The following MYOM1 variants were observed in gnomAD, a reference collection of about 807,000 sequenced individuals.
The protein encoded by MYOM1 is myomesin 1, also known as myomesin-1.
MYOM1 carries 164 observed loss-of-function variants against 205.3 expected under a neutral mutation model. The ratio of observed to expected loss-of-function variants is 0.80; its 90% CI spans 0.70 to 0.91. The LOEUF (loss-of-function observed/expected upper bound fraction) is 0.91, where lower values mean the gene tolerates loss of function less well. MYOM1 is among the 40% of genes least tolerant of loss of function. The pLI is 0.00. For missense variants in MYOM1, 2,011 were observed against 2,127.3 expected (o/e 0.95, Z 1.08); for synonymous variants, 772 against 789.4 (o/e 0.98, Z 0.37).
chr18:3,178,448 C>A (rs1457236606), intron 5 of MYOM1, among the ~76,000 whole-genome samples: 1 of 152,194 alleles, frequency 6.6e-6, no homozygotes, highest in East Asian at 1.9e-4. Flanking sequence ...GTCTGCATTT[C>A]ATTTCTTCAG....
chr18:3,085,064 T>C lies in MYOM1; in HGVS notation c.4320A>G (p.Arg1440=). Residue 1440 remains arginine (R), a synonymous_variant, in exon 31 of 38, where the codon AGA becomes AGG. Transcript: ENST00000356443. ...ACTGACCTTCATCCACAAGCTTCAG[T>C]CTGCTCTTATCTTTTCCTCGGTCAT... ...LKDDRGKDKS[R]LKLVDEAFKE... The C allele has an allele frequency of 1.2e-6, 2 of 1,607,166 alleles. No homozygotes were observed. The highest frequency in any genetic ancestry group is 1.7e-6 in the Non-Finnish European group (2 of 1,176,636).
chr18:3,136,839 TGAA>T (rs1187534967), intron 14 of MYOM1, among the ~76,000 whole-genome samples: 5 of 152,256 alleles, frequency 3.3e-5, no homozygotes, highest in African/African-American at 1.2e-4. Flanking sequence ...TCTCCTCCAC[TGAA>T]GAGCAAATCA....
At chr18:3,162,488 A>C (rs988693031) in intron 10 of MYOM1, among the ~76,000 whole-genome samples, 1 of 152,042 alleles carries the variant, frequency 6.6e-6, no homozygotes, top group Non-Finnish European at 1.5e-5. Context: ...GCCCCTTCTG[A>C]CTCATGACTG....
At chr18:3,232,251 A>G in the MYOM1 span, among the ~76,000 whole-genome samples, 1 of 152,058 alleles carries the variant, frequency 6.6e-6, no homozygotes, top group Non-Finnish European at 1.5e-5. Flanking sequence ...AATTGCTTGA[A>G]TCCTGGAGGC....
chr18:3,140,792 A>G (rs1001671013), intron 14 of MYOM1, among the ~76,000 whole-genome samples: 1 of 152,196 alleles, frequency 6.6e-6, no homozygotes, highest in African/African-American at 2.4e-5. Flanking sequence ...ACTGAACACC[A>G]TATTTTTATA....
Position 3,134,635 on chromosome 18 carries a change from A to T in MYOM1, c.2384+15T>A. 1 of 1,601,182 alleles carries T rather than the reference A, an allele frequency of 6.2e-7. No individual in the cohort carries two copies. The highest frequency in any genetic ancestry group is 2.2e-5 in the East Asian group (1 of 44,578). ...CCAGAGGCCATTGCCCGCCCTGCACACCCGACTGAGTTACCGTGAGCCCTT... is the reference window on the plus strand; with the variant it reads ...CCAGAGGCCATTGCCCGCCCTGCACTCCCGACTGAGTTACCGTGAGCCCTT... On this transcript the variant is annotated intron_variant, in intron 16 of 37. Transcript: ENST00000356443.
At chr18:3,164,233 G>C in intron 10 of MYOM1, 45 bp downstream of exon 10, 1 of 1,579,648 alleles carries the variant, frequency 6.3e-7, no homozygotes, top group Non-Finnish European at 8.6e-7. Flanking sequence ...TTTGGCTTCA[G>C]TGTACTAAAT....
At chr18:3,134,482 C>T (rs2079923304) in intron 16 of MYOM1, among the ~76,000 whole-genome samples, 168 bp downstream of exon 16, 1 of 152,006 alleles carries the variant, frequency 6.6e-6, no homozygotes, top group Admixed American at 6.6e-5. Context: ...TTCAAGCAAT[C>T]TTCCCACCTC....
intron 3 of MYOM1, among the ~76,000 whole-genome samples, chr18:3,192,168 T>C (rs1056542942): frequency 1.3e-5 from 2 of 152,206 alleles, no homozygotes; most frequent in Admixed American, 6.5e-5. Flanking sequence ...TAAGCTGATG[T>C]GGTTTTTAAA....
chr18:3,078,418 ATT>A (rs2079044905), intron 34 of MYOM1, among the ~76,000 whole-genome samples: 1 of 36,324 alleles, frequency 2.8e-5, no homozygotes, highest in Non-Finnish European at 9.6e-5. Context: ...AGTATAGACT[ATT>A]TTATTTTATT....
intron 25 of MYOM1, among the ~76,000 whole-genome samples, chr18:3,094,799 C>T (rs1437476028): frequency 1.3e-5 from 2 of 151,882 alleles, no homozygotes; most frequent in Admixed American, 1.3e-4. Context: ...GTAGCTCACA[C>T]AACAGTCACG....
chr18:3,234,017 T>C, the MYOM1 span, among the ~76,000 whole-genome samples: 1 of 152,192 alleles, frequency 6.6e-6, no homozygotes, highest in African/African-American at 2.4e-5. Flanking sequence ...TACCTTTTCC[T>C]CTTACCCAGA....
chr18:3,097,211 G>T (rs1462649284), intron 25 of MYOM1, among the ~76,000 whole-genome samples: 2 of 152,202 alleles, frequency 1.3e-5, no homozygotes, highest in Non-Finnish European at 2.9e-5. Context: ...CCAACAGGAA[G>T]TGGGTATGAA....
intron 22 of MYOM1, among the ~76,000 whole-genome samples, chr18:3,111,522 C>T (rs755502832): frequency 2.6e-5 from 4 of 152,072 alleles, no homozygotes; most frequent in Admixed American, 6.5e-5. Context: ...GGCCTGTGGG[C>T]TAAATCTGGC....
chr18:3,154,650 C>T lies in MYOM1; in HGVS notation c.1643+297G>A, dbSNP rs11874815. Among the ~76,000 whole-genome samples, 74,534 of 148,800 alleles carry T rather than the reference C, an allele frequency of 0.5. 19,076 individuals are homozygous for T. The highest frequency in any genetic ancestry group is 0.63 in the African/African-American group (25,471 of 40,718). The stretch of plus-strand genomic sequence containing the variant: ...ACACACACACACACACACACACACA[C>T]ATTTATAATGGGTATATATACCCAT... On this transcript the variant is annotated intron_variant, in intron 11 of 37. Transcript: ENST00000356443.
intron 1 of MYOM1, among the ~76,000 whole-genome samples, chr18:3,217,459 G>T (rs540035798): frequency 6.6e-6 from 1 of 152,198 alleles, no homozygotes; most frequent in African/African-American, 2.4e-5. Context: ...AAGAACAGGA[G>T]ATTGGTTTCA....
chr18:3,070,736 TTGTGTGTGTGTGTG>T (rs57044157), intron 37 of MYOM1, among the ~76,000 whole-genome samples: 26 of 146,210 alleles, frequency 1.8e-4, no homozygotes, highest in African/African-American at 5.3e-4. Flanking sequence ...TGCATGTTCT[TTGTGTGTGTGTGTG>T]TGTGTGTGTG....
the MYOM1 span, among the ~76,000 whole-genome samples, chr18:3,239,753 T>C: frequency 1.0e-5 from 1 of 98,298 alleles, no homozygotes; most frequent in South Asian, 3.3e-4. Context: ...CAACACCTTG[T>C]CTCAAAAAAA....
At chr18:3,083,430 T>TTTC (rs1555615147) in intron 33 of MYOM1, among the ~76,000 whole-genome samples, 11 of 120,460 alleles carry the variant, frequency 9.1e-5, no homozygotes, top group Non-Finnish European at 9.2e-5. Flanking sequence ...TCTTTTTCTT[T>TTTC]TTTTTTTTTT....
Sources: gnomAD v4.1 joint callset for allele counts (sites outside exome capture counted in the v4.1 genomes callset) on GRCh38, gnomAD v4.1.1 for gene constraint, MANE v1.5 for transcripts, NCBI Gene and HGNC (gene_info 2026-07-23, HGNC 2026-07-21) for gene names.